The following CPLANE1 variants were observed in gnomAD, a reference collection of about 807,000 sequenced individuals.
CPLANE1 encodes the protein ciliogenesis and planar polarity effector complex subunit 1.
CPLANE1 carries 263 observed loss-of-function variants against 362.5 expected under a neutral mutation model. That is an observed-to-expected ratio of 0.73 (90% confidence interval 0.66 to 0.80). The LOEUF (loss-of-function observed/expected upper bound fraction) is 0.80, where lower values mean the gene tolerates loss of function less well. Among genes scored for constraint, CPLANE1 ranks in the 30% least tolerant of loss-of-function variants. The pLI, the probability that CPLANE1 is intolerant of heterozygous loss-of-function variation, is 0.00. For missense variants in CPLANE1, 3,461 were observed against 3,793.4 expected (o/e 0.91, Z 2.30); for synonymous variants, 1,212 against 1,302.6 (o/e 0.93, Z 1.50).
chr5:37,165,909 A>T (rs921452409), intron 35 of CPLANE1, among the ~76,000 whole-genome samples: 2 of 152,188 alleles, frequency 1.3e-5, no homozygotes, highest in Admixed American at 1.3e-4. Context: ...TAGTCACTGG[A>T]ATCTAAGGAC....
At chr5:37,231,096 G>A in intron 8 of CPLANE1, 47 bp from the exon 9 acceptor site, 2 of 1,349,596 alleles carry the variant, frequency 1.5e-6, no homozygotes, top group African/African-American at 1.5e-5. Context: ...ACTTTACAAT[G>A]TCTATGACGA....
At chr5:37,176,131 A>C (rs1342181332) in intron 30 of CPLANE1, 145 bp from the exon 31 acceptor site, 1 of 565,552 alleles carries the variant, frequency 1.8e-6, no homozygotes, top group East Asian at 2.8e-5. Flanking sequence ...ATCTGTTTAC[A>C]TTTGTCTCCA....
Position 37,245,512 on chromosome 5 carries a change from C to A in CPLANE1, c.304G>T (p.Glu102Ter). The A allele has an allele frequency of 6.7e-7, 1 of 1,500,006 alleles. No homozygotes were observed. The highest frequency in any genetic ancestry group is 1.4e-5 in the South Asian group (1 of 73,960). The allele number at this position is 1,500,006 out of a possible 1,614,324, so 92.9% of individuals were successfully genotyped here. ...QDCLKTIPIT[E>*]KPKEMIKATV... Reference sequence around the variant, plus strand: ...GCTTTGATCATTTCCTTAGGCTTTTCAGTTATTGGTATAGTTTTCAAACAA... The same window carrying A: ...GCTTTGATCATTTCCTTAGGCTTTTAAGTTATTGGTATAGTTTTCAAACAA... The change falls in exon 4 of 53, where the codon GAA becomes TAA. Residue 102 changes from glutamate (E) to a stop codon, truncating the protein, a stop_gained. Transcript: ENST00000651892. LOFTEE classifies it high-confidence loss of function.
intron 32 of CPLANE1, among the ~76,000 whole-genome samples, chr5:37,170,962 A>C (rs185900390): frequency 6.6e-6 from 1 of 152,278 alleles, no homozygotes; most frequent in Non-Finnish European, 1.5e-5. Context: ...AGATTCCCAG[A>C]ATAAGTATAT....
chr5:37,085,986 T>C, the CPLANE1 span: 1 of 592,030 alleles, frequency 1.7e-6, no homozygotes, highest in Non-Finnish European at 3.0e-6. Context: ...AAAGGACTTG[T>C]CCAACAGGAA....
rs1784461513 is a variant in CPLANE1 at position 37,187,786 on chromosome 5, A to G, written c.3868T>C (p.Ser1290Pro). 6.2e-7 allele frequency: 1 copy of G among 1,613,906 alleles called. No homozygotes were observed. Among genetic ancestry groups the G allele is most frequent in the Non-Finnish European group, 8.5e-7 (1 of 1,179,910 alleles). ...CWMLHVRDKL[S>P]YSCRQYQKAR... ...TTCTGATATTGCCTGCAACTATAGG[A>G]TAACTTATCACGGACATGCAGCATC... Residue 1290 changes from serine to proline, a missense_variant, in exon 22 of 53, where the codon TCC becomes CCC. Physicochemically the swap from Ser to Pro is moderately conservative, Grantham distance 74. Coordinates refer to ENST00000651892, the MANE Select transcript of CPLANE1 (RefSeq NM_001384732.1).
Position 37,118,603 on chromosome 5 carries a change from G to A in CPLANE1, c.9310+1613C>T, listed in dbSNP as rs1209226626. Among the ~76,000 whole-genome samples, 5 of 152,174 alleles carry A rather than the reference G, an allele frequency of 3.3e-5. No homozygotes were observed. The East Asian group carries it at 9.6e-4, about 29-fold the overall frequency. Reference sequence around the variant, plus strand: ...TGTATGATCTTGGGCAATTATTTAAGCTTTCTCTGACTTGGTTTCCTTGTC... The same window carrying A: ...TGTATGATCTTGGGCAATTATTTAAACTTTCTCTGACTTGGTTTCCTTGTC... On this transcript the variant is annotated intron_variant, in intron 50 of 52. Transcript: ENST00000651892.
chr5:37,141,802 A>G, intron 44 of CPLANE1: 2 of 978,432 alleles, frequency 2.0e-6, no homozygotes, highest in Non-Finnish European at 2.4e-6. Flanking sequence ...CCTCCAAATG[A>G]AATAAAACAA....
chr5:37,194,003 C>T (rs1303895509), intron 21 of CPLANE1, among the ~76,000 whole-genome samples: 1 of 151,140 alleles, frequency 6.6e-6, no homozygotes, highest in Non-Finnish European at 1.5e-5. Flanking sequence ...CTCACTGCAA[C>T]CTCCATCTCC....
At position 37,227,652 on chromosome 5, in the gene CPLANE1, T is replaced by C. The variant is rs186540080; in HGVS notation, c.1287A>G (p.Leu429=). The change falls in exon 10 of 53, where the codon CTA becomes CTG. Residue 429 remains leucine, a synonymous_variant. Coordinates refer to ENST00000651892, the MANE Select transcript of CPLANE1 (RefSeq NM_001384732.1). ...GTGATCTCATGTGTACTGATGGAGATAGGCTATCAAGAAATCGAAGGGTTG... is the reference window on the plus strand; with the variant it reads ...GTGATCTCATGTGTACTGATGGAGACAGGCTATCAAGAAATCGAAGGGTTG... ...MVTTLRFLDS[L]SPSVHMRSLL... is the part of the protein sequence containing the mutation. 3.9e-5 allele frequency: 61 copies of C among 1,551,532 alleles called. No individual in the cohort carries two copies. Among genetic ancestry groups the C allele is most frequent in the Middle Eastern group, 1.7e-4 (1 of 5,988 alleles).
intron 46 of CPLANE1, among the ~76,000 whole-genome samples, chr5:37,129,379 T>C (rs1429701601): frequency 6.6e-6 from 1 of 151,954 alleles, no homozygotes; most frequent in Non-Finnish European, 1.5e-5. Context: ...CAAAAGCAAA[T>C]GCAACAAAAA....
chr5:37,084,632 T>C, the CPLANE1 span, among the ~76,000 whole-genome samples: 1 of 151,488 alleles, frequency 6.6e-6, no homozygotes, highest in Non-Finnish European at 1.5e-5. Flanking sequence ...ATACAAAAAT[T>C]AGCCAGGCGT....
chr5:37,124,719 A>AT (rs541635159), intron 47 of CPLANE1, among the ~76,000 whole-genome samples: 1,715 of 147,796 alleles, frequency 0.012, 20 homozygotes, highest in Non-Finnish European at 0.018. Flanking sequence ...CACCTGGCTA[A>AT]TTTTTTTTTT....
chr5:37,131,609 C>A (rs1765826779), intron 46 of CPLANE1, among the ~76,000 whole-genome samples: 1 of 151,906 alleles, frequency 6.6e-6, no homozygotes, highest in Non-Finnish European at 1.5e-5. Context: ...TGGCTCACTG[C>A]AACCTCCACC....
intron 14 of CPLANE1, among the ~76,000 whole-genome samples, chr5:37,222,565 C>T (rs916653650): frequency 6.6e-6 from 1 of 152,224 alleles, no homozygotes; most frequent in African/African-American, 2.4e-5. Context: ...TACTTTCAAT[C>T]TCCATTACTA....
chr5:37,115,102 T>G (rs1416545132), intron 50 of CPLANE1, 53 bp from the exon 51 acceptor site: 1 of 1,164,822 alleles, frequency 8.6e-7, no homozygotes, highest in African/African-American at 1.5e-5. Flanking sequence ...ATGATTTTTA[T>G]ATATATTGTG....
chr5:37,160,580 AT>A (rs1486040936), intron 38 of CPLANE1, among the ~76,000 whole-genome samples: 1 of 151,896 alleles, frequency 6.6e-6, no homozygotes, highest in East Asian at 1.9e-4. Context: ...AAAAAAAAAA[AT>A]GTTTCTCAAA....
intron 3 of CPLANE1, 52 bp downstream of exon 3, chr5:37,245,656 TAA>T: frequency 6.7e-7 from 1 of 1,481,882 alleles, no homozygotes; most frequent in Admixed American, 2.6e-5. Context: ...AACATCACCC[TAA>T]GTTATTAAAA....
intron 46 of CPLANE1, among the ~76,000 whole-genome samples, chr5:37,125,717 C>G (rs1255868546): frequency 6.6e-6 from 1 of 152,176 alleles, no homozygotes; most frequent in African/African-American, 2.4e-5. Context: ...TGGCTCCTTT[C>G]TTCTCTGCTC....
Sources: gnomAD v4.1 joint callset for allele counts (sites outside exome capture counted in the v4.1 genomes callset) on GRCh38, gnomAD v4.1.1 for gene constraint, MANE v1.5 for transcripts, NCBI Gene and HGNC (gene_info 2026-07-23, HGNC 2026-07-21) for gene names.